The following NWD1 variants were observed in gnomAD, a reference collection of about 807,000 sequenced individuals.
The protein encoded by NWD1 is NACHT domain- and WD repeat-containing protein 1.
NWD1 carries 129 observed loss-of-function variants against 135.1 expected under a neutral mutation model. The ratio of observed to expected loss-of-function variants is 0.96; its 90% CI spans 0.83 to 1.11. NWD1 has a LOEUF of 1.11. Among genes scored for constraint, NWD1 ranks in the 50% least tolerant of loss-of-function variants. The probability of loss-of-function intolerance (pLI) is 0.00; values close to 1 mark genes in which losing one functional copy is unlikely to be tolerated. For missense variants in NWD1, 1,740 were observed against 1,851.3 expected (o/e 0.94, Z 1.10); for synonymous variants, 773 against 786.0 (o/e 0.98, Z 0.28).
In NWD1 at chr19:16,815,148, C is replaced by T. The variant is rs771041627; in HGVS notation, c.*109C>T. 8.9e-7 allele frequency: 1 copy of T among 1,128,882 alleles called. No homozygotes were observed. Among genetic ancestry groups the T allele is most frequent in the Admixed American group, 1.7e-5 (1 of 59,426 alleles). 69.9% of individuals were successfully genotyped at this position (1,128,882 alleles called of 1,614,324 possible). A position where few individuals can be genotyped will look rare whatever the true frequency, so the allele number is the denominator to read the frequency against. ...ATCCGAGAGAATTTCCAGTGCCTTT[C>T]AGCAAAAGCCTCACCGCAGGACCCT... On this transcript the variant is annotated 3_prime_UTR_variant, in exon 19 of 19. Transcript: ENST00000524140.
Position 16,759,398 on chromosome 19 carries a change from A to G in NWD1, c.1943A>G (p.Asp648Gly), listed in dbSNP as rs775908322. ...LGYYLARRPV[D>G]GFTLLAIAHR... Reference sequence around the variant, plus strand: ...TACTACTTGGCCCGGCGGCCCGTGGATGGCTTCACCCTCCTGGCCATTGCC... The same window carrying G: ...TACTACTTGGCCCGGCGGCCCGTGGGTGGCTTCACCCTCCTGGCCATTGCC... Residue 648 changes from aspartate to glycine, a missense_variant, in exon 7 of 19, where the codon GAT becomes GGT. Physicochemically the swap from Asp to Gly is moderately conservative, Grantham distance 94. Coordinates refer to ENST00000524140, the MANE Select transcript of NWD1 (RefSeq NM_001007525.5). 6.3e-7 allele frequency: 1 copy of G among 1,583,792 alleles called. No homozygotes were observed. The highest frequency in any genetic ancestry group is 8.6e-7 in the Non-Finnish European group (1 of 1,167,136).
intron 5 of NWD1, among the ~76,000 whole-genome samples, chr19:16,748,441 C>T (rs1968411793): frequency 1.3e-5 from 2 of 152,144 alleles, no homozygotes; most frequent in African/African-American, 4.8e-5. Context: ...CTCCATGTTT[C>T]ACTTTTTGAG....
chr19:16,762,057 CT>C lies in NWD1; in HGVS notation c.2054del (p.Phe685SerfsTer22), dbSNP rs1969035085. 6.2e-7 allele frequency: 1 copy of C among 1,614,000 alleles called. No individual in the cohort carries two copies. The highest frequency in any genetic ancestry group is 8.5e-7 in the Non-Finnish European group (1 of 1,179,992). ...AGAGGCATGGCGTCCTGGCCGACTT[CT>C]TCTCAGGGACCTGGAGCCAGGGTAC... ...AKRHGVLADF[F>X]SGTWSQGTKK... On this transcript the variant is annotated frameshift_variant, in exon 8 of 19. Transcript: ENST00000524140. LOFTEE classifies it high-confidence loss of function.
At chr19:16,783,590 C>T (rs10402802) in intron 12 of NWD1, among the ~76,000 whole-genome samples, 17,174 of 150,848 alleles carry the variant, frequency 0.11, 1,753 homozygotes, top group African/African-American at 0.28. Context: ...GCCGAGATCG[C>T]GCCACTGCAC....
chr19:16,744,384 A>G, intron 4 of NWD1, 37 bp from the exon 5 acceptor site: 1 of 1,529,672 alleles, frequency 6.5e-7, no homozygotes, highest in Middle Eastern at 1.7e-4. Context: ...CTGAAGAAAA[A>G]AAGTGAGATT....
At position 16,775,852 on chromosome 19, in the gene NWD1, G is replaced by A. The variant is rs976584500; in HGVS notation, c.2608+2529G>A. ...CTGGCTAATTTTTGTATTCTTGGTAGAGACAGGGTTTCACCATGTTGGCCA... is the reference window on the plus strand; with the variant it reads ...CTGGCTAATTTTTGTATTCTTGGTAAAGACAGGGTTTCACCATGTTGGCCA... On this transcript the variant is annotated intron_variant, in intron 11 of 18. Transcript: ENST00000524140. 2.0e-5 allele frequency among the ~76,000 whole-genome samples: 3 copies of A among 152,056 alleles called. 1 individual carries two copies. In the South Asian group the frequency reaches 6.2e-4, roughly 31 times the overall value.
chr19:16,741,268 C>A (rs1043125724), intron 4 of NWD1, among the ~76,000 whole-genome samples: 1 of 152,142 alleles, frequency 6.6e-6, no homozygotes, highest in Non-Finnish European at 1.5e-5. Flanking sequence ...TTCTTCCTGC[C>A]ACAGGGCCTT....
At position 16,761,980 on chromosome 19, in the gene NWD1, C is replaced by T; in HGVS notation, c.1975C>T (p.Gln659Ter). 6.2e-7 allele frequency: 1 copy of T among 1,613,654 alleles called. No homozygotes were observed. The highest frequency in any genetic ancestry group is 8.5e-7 in the Non-Finnish European group (1 of 1,179,690). ...TCAGTCTGTATACCCTCTCTGTAGA[C>T]AGCTGGTCGAGGTGGTCCGTGAGCG... ...GFTLLAIAHR[Q>*]LVEVVRERYL... Residue 659 changes from glutamine to a stop codon, truncating the protein, a stop_gained and splice_region_variant, in exon 8 of 19, where the codon CAG becomes TAG. Transcript: ENST00000524140. LOFTEE classifies it high-confidence loss of function.
chr19:16,797,257 G>A (rs1419192118), intron 15 of NWD1, among the ~76,000 whole-genome samples: 1 of 151,650 alleles, frequency 6.6e-6, no homozygotes, highest in African/African-American at 2.4e-5. Flanking sequence ...TGCAGATGGG[G>A]ACAGGACTGA....
At chr19:16,726,128 A>G (rs1168053737) in intron 2 of NWD1, among the ~76,000 whole-genome samples, 1 of 151,652 alleles carries the variant, frequency 6.6e-6, no homozygotes, top group Non-Finnish European at 1.5e-5. Flanking sequence ...AAACCCGGCT[A>G]ATTTTGTATT....
rs1967089583 is a variant in NWD1, at chr19:16,720,284, T to C, written c.-114T>C. ...ACAAACAATAACATGTAGAAACATA[T>C]CAGCTGTTGGTGAGTACCATGCAGA... is the stretch of plus-strand genomic sequence containing the variant. On this transcript the variant is annotated 5_prime_UTR_variant, in exon 1 of 19. Coordinates refer to ENST00000524140, the MANE Select transcript of NWD1 (RefSeq NM_001007525.5). The C allele has an allele frequency of 6.6e-6, 1 of 152,192 alleles. No individual in the cohort carries two copies. Among genetic ancestry groups the C allele is most frequent in the Admixed American group, 6.6e-5 (1 of 15,252 alleles). 9.4% of individuals were successfully genotyped at this position (152,192 alleles called of 1,614,324 possible).
At chr19:16,782,625 T>C (rs1384189491) in intron 12 of NWD1, among the ~76,000 whole-genome samples, 1 of 152,200 alleles carries the variant, frequency 6.6e-6, no homozygotes, top group Non-Finnish European at 1.5e-5. Flanking sequence ...ACACAATCTT[T>C]TGAAAAATCA....
chr19:16,767,644 T>C (rs992015722), intron 10 of NWD1, among the ~76,000 whole-genome samples: 2 of 151,902 alleles, frequency 1.3e-5, no homozygotes, highest in Admixed American at 1.3e-4. Flanking sequence ...TCAGATCTCG[T>C]GAAAACTCAC....
In NWD1 at chr19:16,762,917, G is replaced by C. The variant is rs187995981; in HGVS notation, c.2133+779G>C. 3.6e-4 allele frequency among the ~76,000 whole-genome samples: 55 copies of C among 152,018 alleles called. No individual in the cohort carries two copies. The East Asian group carries it at 9.9e-3, about 27-fold the overall frequency. On this transcript the variant is annotated intron_variant, in intron 8 of 18. Coordinates refer to ENST00000524140, the MANE Select transcript of NWD1 (RefSeq NM_001007525.5). ...CTCCCACTCAGCCTCCCTAGTACCT[G>C]GGACTACAGGTGTGTGCCACTGCAC...
At chr19:16,777,597 T>G (rs565778109) in intron 11 of NWD1, among the ~76,000 whole-genome samples, 4 of 770 alleles carry the variant, frequency 5.2e-3, no homozygotes, top group Non-Finnish European at 7.6e-3. Flanking sequence ...GAGGGGAAAG[T>G]GGAGGGGAGG....
At chr19:16,802,002 A>T (rs919148565) in intron 17 of NWD1, among the ~76,000 whole-genome samples, 2 of 151,832 alleles carry the variant, frequency 1.3e-5, no homozygotes, top group African/African-American at 4.8e-5. Flanking sequence ...AATAAAAATA[A>T]TGGCCGGGCA....
chr19:16,790,686 G>A (rs1484713210), intron 13 of NWD1, among the ~76,000 whole-genome samples: 3 of 151,192 alleles, frequency 2.0e-5, no homozygotes, highest in East Asian at 1.9e-4. Flanking sequence ...CACTTGAAAT[G>A]TGACTGTCCC....
chr19:16,723,200 A>AT (rs1321238240), intron 1 of NWD1, among the ~76,000 whole-genome samples: 5 of 151,808 alleles, frequency 3.3e-5, no homozygotes, highest in Admixed American at 6.6e-5. Flanking sequence ...TGTCCAGCTG[A>AT]TTTTTTTGCT....
At chr19:16,741,731 C>T (rs1599445556) in intron 4 of NWD1, among the ~76,000 whole-genome samples, 1 of 152,048 alleles carries the variant, frequency 6.6e-6, no homozygotes, top group South Asian at 2.1e-4. Context: ...ACGTACGACC[C>T]ATGTTTTACC....
Sources: allele counts gnomAD v4.1 joint callset (sites outside exome capture counted in the v4.1 genomes callset), GRCh38; gene constraint gnomAD v4.1.1; transcripts MANE v1.5; gene names NCBI Gene and HGNC (gene_info 2026-07-23, HGNC 2026-07-21).